Variants in THSD7A observed in about 807,000 individuals in gnomAD.
THSD7A encodes thrombospondin type 1 domain containing 7A.
Under a neutral mutation model 231.3 loss-of-function variants are expected in THSD7A, and 96 were observed. The ratio of observed to expected loss-of-function variants is 0.41; its 90% confidence interval spans 0.35 to 0.49. The LOEUF (loss-of-function observed/expected upper bound fraction) is 0.49. THSD7A is among the 20% of genes least tolerant of loss of function. THSD7A has a pLI of 0.05. For synonymous variants in THSD7A, 940 were observed against 743.3 expected, an observed-to-expected ratio of 1.26 and a Z score of -4.30; for missense variants, 2,290 against 2,070.2, an observed-to-expected ratio of 1.11 and a Z score of -2.06.
chr7:11,655,080 T>C (rs1267471766), intron 1 of THSD7A, among the ~76,000 whole-genome samples: 1 of 151,872 alleles, frequency 6.6e-6, no homozygotes, highest in African/African-American at 2.4e-5. Context: ...AGAACCCTGG[T>C]GTCCTGACTT....
intron 2 of THSD7A, among the ~76,000 whole-genome samples, chr7:11,597,890 C>T (rs1780420687): frequency 3.3e-5 from 5 of 152,184 alleles, no homozygotes. Context: ...TCCACTCCTG[C>T]CACCCTGCCT....
At chr7:11,414,240 G>T (rs1783885266) in intron 17 of THSD7A, among the ~76,000 whole-genome samples, 1 of 152,172 alleles carries the variant, frequency 6.6e-6, no homozygotes, top group Non-Finnish European at 1.5e-5. Context: ...GTCCATGGAG[G>T]ATGTACAGTA....
intron 11 of THSD7A, among the ~76,000 whole-genome samples, chr7:11,452,225 G>A (rs1785168780): frequency 6.6e-6 from 1 of 152,004 alleles, no homozygotes; most frequent in Non-Finnish European, 1.5e-5. Flanking sequence ...TAGCGAGAAT[G>A]AATCATGTAG....
Position 11,474,559 on chromosome 7 carries a change from C to A in THSD7A, c.2027G>T (p.Arg676Leu), listed in dbSNP as rs368915551. ...LAYAGEEGGIRCPNSSALQEV... is the reference protein window; with the variant it reads ...LAYAGEEGGILCPNSSALQEV... ...TTGCAAAGCACTGCTATTTGGACAG[C>A]GAATTCCACCTAAAAACATGGACAA... The change falls in exon 8 of 28, where the codon CGC becomes CTC. Residue 676 changes from arginine (R) to leucine (L), a missense_variant. By Grantham distance (102) the Arg-to-Leu change is moderately radical (BLOSUM62 -2). Transcript: ENST00000423059. This position sits in a 1 kb window ranked among gnomAD's most constrained non-coding sequence, Gnocchi z 4.1. 6.3e-7 allele frequency: 1 copy of A among 1,585,214 alleles called. No homozygotes were observed. The highest frequency in any genetic ancestry group is 8.6e-7 in the Non-Finnish European group (1 of 1,158,914).
In THSD7A at chr7:11,406,321, A is replaced by G; in HGVS notation, c.4216T>C (p.Ser1406Pro). The G allele has an allele frequency of 1.9e-6, 3 of 1,610,262 alleles. No homozygotes were observed. The highest frequency in any genetic ancestry group is 2.5e-6 in the Non-Finnish European group (3 of 1,178,556). Residue 1406 changes from serine to proline, a missense_variant, in exon 22 of 28, where the codon TCC (serine) becomes CCC (proline). Coordinates refer to ENST00000423059, the MANE Select transcript of THSD7A (RefSeq NM_015204.3). This position sits in a 1 kb window ranked among gnomAD's most constrained non-coding sequence, Gnocchi z 4.7. ...DGNKNMVLEE[S>P]CSQPCPGDCY... ...TTACCTGGGCAAGGCTGGCTGCAGG[A>G]TTCCTCCAGAACCATATTTTTATTA...
chr7:11,775,643 C>G (rs1011145345), intron 1 of THSD7A, among the ~76,000 whole-genome samples: 1 of 152,054 alleles, frequency 6.6e-6, no homozygotes, highest in Non-Finnish European at 1.5e-5. Context: ...AGTCAAATTA[C>G]TAGAGACAAA....
chr7:11,385,707 C>G (rs1052166080), intron 23 of THSD7A: 1 of 151,884 alleles, frequency 6.6e-6, no homozygotes, highest in African/African-American at 2.4e-5. Context: ...TTGACATCTA[C>G]TTTCATAAGT....
chr7:11,667,200 A>T (rs956941349), intron 1 of THSD7A, among the ~76,000 whole-genome samples: 2 of 151,558 alleles, frequency 1.3e-5, no homozygotes, highest in Admixed American at 6.6e-5. Context: ...TTTAGCCCTC[A>T]CCCCTCACCC....
Position 11,821,353 on chromosome 7 carries a change from A to G in THSD7A, c.190+10404T>C. The G allele has an allele frequency of 6.1e-6, 4 of 652,116 alleles. No individual in the cohort carries two copies. The South Asian group carries it at 6.2e-5, about 10-fold the overall frequency. 40.4% of individuals were successfully genotyped at this position (652,116 alleles called of 1,614,324 possible). ...ATTTCATTTGGAGCTAAGAGGACTA[A>G]TTTGATGACTTTTTATCTCTTCTCC... On this transcript the variant is annotated intron_variant, in intron 1 of 27. Coordinates refer to ENST00000423059, the MANE Select transcript of THSD7A (RefSeq NM_015204.3).
At chr7:11,758,312 A>T (rs1327616350) in intron 1 of THSD7A, among the ~76,000 whole-genome samples, 1 of 152,022 alleles carries the variant, frequency 6.6e-6, no homozygotes, top group Non-Finnish European at 1.5e-5. Context: ...AAATCCTCTT[A>T]GCGTAGAAAA....
At chr7:11,614,326 C>T (rs751128455) in intron 2 of THSD7A, among the ~76,000 whole-genome samples, 2 of 152,142 alleles carry the variant, frequency 1.3e-5, no homozygotes, top group Admixed American at 6.6e-5. Context: ...CTGAGGCAGC[C>T]AACAAGCTGT....
intron 13 of THSD7A, among the ~76,000 whole-genome samples, chr7:11,439,635 C>T (rs1201275852): frequency 1.3e-5 from 2 of 151,930 alleles, no homozygotes; most frequent in African/African-American, 4.8e-5. Context: ...TTTTAGCGGT[C>T]TAGAAAGAAT....
chr7:11,711,476 A>C lies in THSD7A; in HGVS notation c.191-74515T>G, dbSNP rs73677814. On this transcript the variant is annotated intron_variant, in intron 1 of 27. Transcript: ENST00000423059. ...ACGAATTAAATTTCTCTATTCCTACATTTATTTTTCTTTATGTATAAATCC... is the reference window on the plus strand; with the variant it reads ...ACGAATTAAATTTCTCTATTCCTACCTTTATTTTTCTTTATGTATAAATCC... 2.5e-3 allele frequency among the ~76,000 whole-genome samples: 379 copies of C among 151,118 alleles called. 1 individual carries two copies. Among genetic ancestry groups the C allele is most frequent in the African/African-American group, 8.7e-3 (359 of 41,408 alleles).
At chr7:11,390,497 A>ATTCTTCTGACCTTTT (rs1170949414) in intron 23 of THSD7A, among the ~76,000 whole-genome samples, 2 of 152,198 alleles carry the variant, frequency 1.3e-5, no homozygotes, top group Non-Finnish European at 2.9e-5. Flanking sequence ...CATGTTAGCA[A>ATTCTTCTGACCTTTT]TTCTTCTGAC....
rs1242396140 is a variant in THSD7A at position 11,608,080 on chromosome 7, A to C, written c.1023-14578T>G. On this transcript the variant is annotated intron_variant, in intron 2 of 27. Transcript: ENST00000423059. ...GCTTACTTATCACCCATGCTGTTCC[A>C]GGCAGTGAACCATGGTGAAAATTCA... Among the ~76,000 whole-genome samples, 5 of 152,170 alleles carry C rather than the reference A, an allele frequency of 3.3e-5. No individual in the cohort carries two copies. The East Asian group carries it at 9.6e-4, about 29-fold the overall frequency.
At chr7:11,383,481 C>T (rs1782605918) in intron 23 of THSD7A, among the ~76,000 whole-genome samples, 1 of 151,984 alleles carries the variant, frequency 6.6e-6, no homozygotes, top group South Asian at 2.1e-4. Flanking sequence ...CTTGGTATCA[C>T]TGTATGGCTA....
chr7:11,563,534 A>AT (rs1349473181), intron 4 of THSD7A, among the ~76,000 whole-genome samples: 12 of 151,488 alleles, frequency 7.9e-5, no homozygotes, highest in East Asian at 5.8e-4. Context: ...TGATTTTTGT[A>AT]TTTTTTTAGT....
intron 1 of THSD7A, among the ~76,000 whole-genome samples, chr7:11,714,465 A>G (rs748188072): frequency 4.2e-4 from 64 of 151,182 alleles, no homozygotes; most frequent in Admixed American, 7.3e-4. Context: ...AGATTGAGCT[A>G]CTGAGACATT....
chr7:11,709,688 C>A (rs945005486), intron 1 of THSD7A, among the ~76,000 whole-genome samples: 4 of 150,688 alleles, frequency 2.7e-5, no homozygotes, highest in African/African-American at 9.7e-5. Flanking sequence ...CTAGAAGAAG[C>A]CAGTGCTTGA....
Sources: gnomAD v4.1 joint callset for allele counts (sites outside exome capture counted in the v4.1 genomes callset) on GRCh38, gnomAD v4.1.1 for gene constraint, Gnocchi (gnomAD v3.1) non-coding constraint, MANE v1.5 for transcripts, NCBI Gene and HGNC (gene_info 2026-07-23, HGNC 2026-07-21) for gene names.